USH2A: variants seen among roughly 807,000 people sequenced by gnomAD.
The protein encoded by USH2A is usherin.
USH2A carries 443 observed loss-of-function variants against 538.9 expected under a neutral mutation model. The ratio of observed to expected loss-of-function variants is 0.82; its 90% CI spans 0.76 to 0.89. USH2A has a LOEUF of 0.89. Among genes scored for constraint, USH2A ranks in the 40% least tolerant of loss-of-function variants. The pLI is 0.00. For missense variants in USH2A, 6,633 were observed against 6,324.8 expected (o/e 1.05, Z -1.65); for synonymous variants, 2,413 against 2,273.5 (o/e 1.06, Z -1.75).
intron 14 of USH2A, among the ~76,000 whole-genome samples, chr1:216,221,379 G>A (rs1017041490): frequency 3.3e-5 from 5 of 152,156 alleles, no homozygotes; most frequent in Non-Finnish European, 5.9e-5. Context: ...GATTAACAGA[G>A]GAGCTGTGGT....
intron 3 of USH2A, among the ~76,000 whole-genome samples, chr1:216,411,446 C>T (rs1412820617): frequency 6.6e-6 from 1 of 152,062 alleles, no homozygotes; most frequent in Non-Finnish European, 1.5e-5. Flanking sequence ...ATGAGTCCTA[C>T]CGAATTAGGA....
chr1:215,725,364 A>G (rs780652992), intron 61 of USH2A, among the ~76,000 whole-genome samples: 3 of 152,204 alleles, frequency 2.0e-5, no homozygotes, highest in Non-Finnish European at 4.4e-5. Flanking sequence ...GACTGTGGGA[A>G]TAAGTGAAAC....
chr1:215,759,801 G>T lies in USH2A; in HGVS notation c.11090C>A (p.Thr3697Lys). ...TGGCAGACTCCAATATAATTCCACTGTTGTAGAATTGATGATAATGTGTCG... is the reference window on the plus strand; with the variant it reads ...TGGCAGACTCCAATATAATTCCACTTTTGTAGAATTGATGATAATGTGTCG... ...TPRHIIINSTTVELYWSLPEK... is the reference protein window; with the variant it reads ...TPRHIIINSTKVELYWSLPEK... Residue 3697 changes from threonine (T) to lysine (K), a missense_variant, in exon 57 of 72, where the codon ACA becomes AAA. Thr to Lys is a moderately conservative substitution (Grantham distance 78, BLOSUM62 -1). Coordinates refer to ENST00000307340, the MANE Select transcript of USH2A (RefSeq NM_206933.4). 1 of 1,614,006 alleles carries T rather than the reference G, an allele frequency of 6.2e-7. No individual in the cohort carries two copies.
At chr1:216,217,898 CA>C (rs1162852173) in intron 14 of USH2A, among the ~76,000 whole-genome samples, 4 of 151,972 alleles carry the variant, frequency 2.6e-5, no homozygotes, top group Non-Finnish European at 4.4e-5. Flanking sequence ...TTTGCTTTTA[CA>C]AAAGCAGTGT....
chr1:215,818,957 A>G (rs1407292959), intron 47 of USH2A, among the ~76,000 whole-genome samples: 1 of 151,826 alleles, frequency 6.6e-6, no homozygotes, highest in Admixed American at 6.6e-5. Flanking sequence ...CAAGGTAAAT[A>G]TAAAAATTAT....
At chr1:215,844,182 C>A (rs1444140992) in intron 46 of USH2A, 112 bp downstream of exon 46, 1 of 1,154,944 alleles carries the variant, frequency 8.7e-7, no homozygotes, top group African/African-American at 1.5e-5. Flanking sequence ...TTCCCTTCCC[C>A]ACCAAAGAAA....
rs1009949919 is a variant in USH2A, at chr1:215,624,353, G to T, written c.*1428C>A. 2.6e-5 allele frequency: 4 copies of T among 152,002 alleles called. No individual in the cohort carries two copies. Among genetic ancestry groups the T allele is most frequent in the African/African-American group, 9.7e-5 (4 of 41,386 alleles). The allele number at this position is 152,002 out of a possible 1,614,324, so 9.4% of individuals were successfully genotyped here. ...AAAAGTCCACAATCTTTTACTGTTG[G>T]GCCCTGGGGTAATACATTGTTTTCA... On this transcript the variant is annotated 3_prime_UTR_variant, in exon 72 of 72. Transcript: ENST00000307340.
chr1:215,680,509 G>C (rs954278394), intron 61 of USH2A, 133 bp from the exon 62 acceptor site: 1 of 805,060 alleles, frequency 1.2e-6, no homozygotes, highest in Non-Finnish European at 2.1e-6. Context: ...GCAGAGTTTT[G>C]AATTATCATT....
At chr1:215,927,623 G>T (rs1265395687) in intron 38 of USH2A, among the ~76,000 whole-genome samples, 2 of 152,004 alleles carry the variant, frequency 1.3e-5, no homozygotes, top group Non-Finnish European at 2.9e-5. Flanking sequence ...CTACTAGAAG[G>T]GGAACAGTGG....
chr1:215,715,669 C>T lies in USH2A; in HGVS notation c.12066+12361G>A, dbSNP rs368266954. The stretch of plus-strand genomic sequence containing the variant: ...ACGAGTTCCTTTGTATGCTGGGTTG[C>T]CTGCCATTATGTTTATGTAATTCTG... On this transcript the variant is annotated intron_variant, in intron 61 of 71. Transcript: ENST00000307340. Among the ~76,000 whole-genome samples the T allele has an allele frequency of 1.2e-4, 19 of 152,296 alleles. No individual in the cohort carries two copies. The East Asian group carries it at 3.5e-3, about 28-fold the overall frequency.
chr1:216,150,399 C>T (rs2033807997), intron 21 of USH2A, among the ~76,000 whole-genome samples: 1 of 140,572 alleles, frequency 7.1e-6, no homozygotes, highest in African/African-American at 2.7e-5. Context: ...ATGTCACCCT[C>T]TACCTCTCCC....
At position 216,285,439 on chromosome 1, in the gene USH2A, G is replaced by A. The variant is rs143056369; in HGVS notation, c.1971+3841C>T. Among the ~76,000 whole-genome samples, 754 of 152,342 alleles carry A rather than the reference G, an allele frequency of 4.9e-3. 7 individuals are homozygous for A. The highest frequency in any genetic ancestry group is 0.018 in the African/African-American group (735 of 41,570). ...GGGAACTTCCGCCTAGCTTTCAGAG[G>A]ATGTATGGAAATGCCTGGATGTCCA... On this transcript the variant is annotated intron_variant, in intron 11 of 71. Transcript: ENST00000307340.
intron 38 of USH2A, among the ~76,000 whole-genome samples, chr1:215,913,761 A>T (rs1441081461): frequency 6.6e-6 from 1 of 151,864 alleles, no homozygotes; most frequent in East Asian, 1.9e-4. Flanking sequence ...ATAAAAGTTG[A>T]GTGCAGAATG....
chr1:216,241,497 C>CT (rs1271518943), intron 13 of USH2A, among the ~76,000 whole-genome samples: 1 of 151,108 alleles, frequency 6.6e-6, no homozygotes, highest in Non-Finnish European at 1.5e-5. Flanking sequence ...TTTCCTGGCT[C>CT]TTTTTTTGGA....
rs570628526 is a variant in USH2A, at chr1:215,934,787, T to C, written c.7129A>G (p.Asn2377Asp). 6.8e-6 allele frequency: 11 copies of C among 1,609,358 alleles called. 1 individual carries two copies. The South Asian group carries it at 1.2e-4, about 18-fold the overall frequency. The change falls in exon 38 of 72, where the codon AAC becomes GAC. Residue 2377 changes from asparagine (N) to aspartate (D), a missense_variant. Transcript: ENST00000307340. ...TTTGTGACATTCAGAAGGGTGTAGT[T>C]ATTACCTACTGATTAAAAAAGAAAA... ...GIFYVDPVGNNYTLLNVTKVM... is the reference protein window; with the variant it reads ...GIFYVDPVGNDYTLLNVTKVM...
At chr1:215,948,443 T>TATATATAC (rs749886577) in intron 37 of USH2A, among the ~76,000 whole-genome samples, 104 of 147,234 alleles carry the variant, frequency 7.1e-4, no homozygotes, top group South Asian at 3.0e-3. Flanking sequence ...TATATATATA[T>TATATATAC]ACACACACAC....
intron 62 of USH2A, among the ~76,000 whole-genome samples, chr1:215,676,945 GC>G (rs1658050765): frequency 6.6e-6 from 1 of 151,952 alleles, no homozygotes; most frequent in Non-Finnish European, 1.5e-5. Context: ...TTTTAAATAG[GC>G]GATTACCAAT....
In USH2A at chr1:215,898,902, ATT is replaced by A. The variant is rs1199573847; in HGVS notation, c.7594+1171_7594+1172del. ...TGCCATTTATCGTACTGTGCTGATA[ATT>A]TACTAAATGATACCCTTGAGAACAA... On this transcript the variant is annotated intron_variant, in intron 40 of 71. Coordinates refer to ENST00000307340, the MANE Select transcript of USH2A (RefSeq NM_206933.4). Among the ~76,000 whole-genome samples, 7 of 152,280 alleles carry A rather than the reference ATT, an allele frequency of 4.6e-5. No individual in the cohort carries two copies. In the East Asian group the frequency reaches 1.4e-3, roughly 29 times the overall value.
chr1:216,339,851 T>C (rs575967261), intron 4 of USH2A, among the ~76,000 whole-genome samples: 3 of 151,860 alleles, frequency 2.0e-5, no homozygotes, highest in Non-Finnish European at 4.4e-5. Flanking sequence ...AGAGGGAAAT[T>C]TATAGCACTA....
Sources: gnomAD v4.1 joint callset for allele counts (sites outside exome capture counted in the v4.1 genomes callset) on GRCh38, gnomAD v4.1.1 for gene constraint, MANE v1.5 for transcripts, NCBI Gene and HGNC (gene_info 2026-07-23, HGNC 2026-07-21) for gene names.